The following CACNA1D variants were observed in gnomAD, a reference collection of about 807,000 sequenced individuals.
CACNA1D encodes calcium voltage-gated channel subunit alpha1 D, also known as voltage-dependent L-type calcium channel subunit alpha-1D.
Under a neutral mutation model 257.1 loss-of-function variants are expected in CACNA1D, and 55 were observed. That is an observed-to-expected ratio of 0.21 (90% confidence interval 0.17 to 0.27). The LOEUF (loss-of-function observed/expected upper bound fraction) is 0.27. CACNA1D is among the 10% of genes least tolerant of loss of function. CACNA1D has a pLI of 1.00. For synonymous variants in CACNA1D, 980 were observed against 1,014.9 expected, an observed-to-expected ratio of 0.97 and a Z score of 0.65; for missense variants, 1,876 against 2,784.0, an observed-to-expected ratio of 0.67 and a Z score of 7.34.
rs555772075 is a variant in CACNA1D, at chr3:53,809,444, C to T, written c.5872-534C>T. ...TGTGCTGTTTACAGACAGCGTTCCCCGTCCCTCTCTGCAGAGTGTGAACCC... is the reference window on the plus strand; with the variant it reads ...TGTGCTGTTTACAGACAGCGTTCCCTGTCCCTCTCTGCAGAGTGTGAACCC... On this transcript the variant is annotated intron_variant, in intron 46 of 47. Transcript: ENST00000350061. 2.0e-4 allele frequency: 37 copies of T among 188,274 alleles called. 1 individual carries two copies. In the South Asian group the frequency reaches 3.0e-3, roughly 15 times the overall value. The allele number at this position is 188,274 out of a possible 1,614,324, so 11.7% of individuals were successfully genotyped here.
intron 15 of CACNA1D, among the ~76,000 whole-genome samples, chr3:53,727,466 C>T (rs2094947178): frequency 6.6e-6 from 1 of 152,240 alleles, no homozygotes; most frequent in African/African-American, 2.4e-5. Flanking sequence ...CTTTGCTGAT[C>T]TGTCCATCTT....
chr3:53,616,848 G>A (rs2093642747), intron 3 of CACNA1D, among the ~76,000 whole-genome samples: 1 of 152,004 alleles, frequency 6.6e-6, no homozygotes, highest in Admixed American at 6.6e-5. Flanking sequence ...GTTGAGATAG[G>A]AGGATATGCT....
At chr3:53,763,061 C>T (rs2095312730) in intron 30 of CACNA1D, among the ~76,000 whole-genome samples, 1 of 152,202 alleles carries the variant, frequency 6.6e-6, no homozygotes, top group African/African-American at 2.4e-5. Context: ...GCAGGAGACC[C>T]CACAGCCAGC....
At chr3:53,726,270 G>A (rs1049955538) in intron 14 of CACNA1D, among the ~76,000 whole-genome samples, 2 of 152,200 alleles carry the variant, frequency 1.3e-5, no homozygotes, top group Non-Finnish European at 2.9e-5. Context: ...TGTAGTTGAA[G>A]GTTCCAGAGA....
At chr3:53,680,142 G>A (rs770232326) in intron 8 of CACNA1D, among the ~76,000 whole-genome samples, 5 of 152,126 alleles carry the variant, frequency 3.3e-5, no homozygotes, top group South Asian at 2.1e-4. Flanking sequence ...CCTCTCTGCC[G>A]CTGGCTTACA....
chr3:53,702,271 G>T (rs2094633956), intron 8 of CACNA1D, among the ~76,000 whole-genome samples: 1 of 152,226 alleles, frequency 6.6e-6, no homozygotes, highest in Non-Finnish European at 1.5e-5. Flanking sequence ...TCCTCTTTGA[G>T]GAGGCTCTGG....
At chr3:53,502,268 G>A (rs1465227372) in intron 3 of CACNA1D, among the ~76,000 whole-genome samples, 1 of 151,962 alleles carries the variant, frequency 6.6e-6, no homozygotes, top group African/African-American at 2.4e-5. Flanking sequence ...TCTACTCCAC[G>A]TCCTATGAAA....
At chr3:53,649,251 A>G (rs534057344) in intron 3 of CACNA1D, among the ~76,000 whole-genome samples, 1 of 152,352 alleles carries the variant, frequency 6.6e-6, no homozygotes, top group East Asian at 1.9e-4. Context: ...TATGGGAATC[A>G]TCCTAAAATT....
intron 34 of CACNA1D, 69 bp from the exon 35 acceptor site, chr3:53,775,809 GTTTTTCTC>G: frequency 7.0e-7 from 1 of 1,422,422 alleles, no homozygotes; most frequent in Non-Finnish European, 9.9e-7. Context: ...CTAATTATGA[GTTTTTCTC>G]CCCTAAGATC....
At position 53,744,666 on chromosome 3, in the gene CACNA1D, T is replaced by C. The variant is rs901129710; in HGVS notation, c.2919-74T>C. On this transcript the variant is annotated intron_variant, in intron 22 of 47. Coordinates refer to ENST00000350061, the MANE Select transcript of CACNA1D (RefSeq NM_001128840.3). ...CAGGGATACTAAAGTGAAGATCCAG[T>C]GAAAGGGTGAATCTCAAAGCATCCT... 260 of 843,356 alleles carry C rather than the reference T, an allele frequency of 3.1e-4. 1 individual carries two copies. The highest frequency in any genetic ancestry group is 4.4e-4 in the Middle Eastern group (2 of 4,570). 52.2% of individuals were successfully genotyped at this position (843,356 alleles called of 1,614,324 possible).
chr3:53,653,782 T>A (rs2094121792), intron 4 of CACNA1D, among the ~76,000 whole-genome samples: 1 of 151,940 alleles, frequency 6.6e-6, no homozygotes, highest in Admixed American at 6.6e-5. Context: ...AAAAAAATTT[T>A]GAAGAAACAG....
At chr3:53,718,894 C>T (rs749909964) in intron 10 of CACNA1D, among the ~76,000 whole-genome samples, 1 of 152,178 alleles carries the variant, frequency 6.6e-6, no homozygotes, top group Admixed American at 6.5e-5. Flanking sequence ...GGTTGGATGA[C>T]GAGGCCCTGC....
intron 9 of CACNA1D, chr3:53,710,419 A>G: frequency 2.2e-6 from 1 of 456,762 alleles, no homozygotes; most frequent in South Asian, 1.5e-5. Flanking sequence ...GACTTGCTTA[A>G]AGAGGATAAG....
At position 53,738,901 on chromosome 3, in the gene CACNA1D, T is replaced by C. The variant is rs369865824; in HGVS notation, c.2752-1379T>C. Among the ~76,000 whole-genome samples the C allele has an allele frequency of 3.4e-4, 51 of 151,942 alleles. 2 individuals carry two copies. The East Asian group carries it at 3.9e-3, about 11-fold the overall frequency. On this transcript the variant is annotated intron_variant, in intron 20 of 47. Transcript: ENST00000350061. Reference sequence around the variant, plus strand: ...CTACTAGATGCTTTCCATGTTAATATTCCCACTGTGACCTAGGAAGGAGTA... The same window carrying C: ...CTACTAGATGCTTTCCATGTTAATACTCCCACTGTGACCTAGGAAGGAGTA...
chr3:53,627,250 A>G (rs535864523), intron 3 of CACNA1D, among the ~76,000 whole-genome samples: 11 of 152,274 alleles, frequency 7.2e-5, no homozygotes, highest in African/African-American at 2.2e-4. Context: ...GTAACCTTGC[A>G]TGGTGGCCAG....
intron 42 of CACNA1D, 148 bp downstream of exon 42, chr3:53,801,573 C>T: frequency 9.9e-7 from 1 of 1,010,668 alleles, no homozygotes; most frequent in Non-Finnish European, 1.5e-6. Flanking sequence ...GTGAGTGCCC[C>T]CCAGGTCACT....
intron 30 of CACNA1D, among the ~76,000 whole-genome samples, chr3:53,762,818 A>G (rs946665545): frequency 2.0e-5 from 3 of 152,238 alleles, no homozygotes; most frequent in African/African-American, 7.2e-5. Flanking sequence ...CTTCCCCTGA[A>G]AAAGAGTGGG....
intron 3 of CACNA1D, among the ~76,000 whole-genome samples, chr3:53,592,790 G>T (rs143651053): frequency 1.4e-4 from 21 of 151,656 alleles, no homozygotes; most frequent in African/African-American, 4.4e-4. Flanking sequence ...TGCAACCTCC[G>T]CCTCCTGGGT....
chr3:53,755,149 A>G (rs2095255121), intron 29 of CACNA1D, among the ~76,000 whole-genome samples: 1 of 152,212 alleles, frequency 6.6e-6, no homozygotes, highest in African/African-American at 2.4e-5. Context: ...GACTGATGGA[A>G]AAGGTTGCAA....
Sources: allele counts gnomAD v4.1 joint callset (sites outside exome capture counted in the v4.1 genomes callset), GRCh38; gene constraint gnomAD v4.1.1; transcripts MANE v1.5; gene names NCBI Gene and HGNC (gene_info 2026-07-23, HGNC 2026-07-21).